NLRC3: variants seen among roughly 807,000 people sequenced by gnomAD.
NLRC3 encodes the protein NLR family CARD domain containing 3.
In NLRC3, 87 loss-of-function variants were observed where a neutral mutation model predicts 91.6. The ratio of observed to expected loss-of-function variants is 0.95; its 90% CI spans 0.80 to 1.14. The LOEUF (loss-of-function observed/expected upper bound fraction) is 1.14. Among genes scored for constraint, NLRC3 ranks in the 50% most tolerant of loss-of-function variants. The probability of loss-of-function intolerance (pLI) is 0.00; values close to 1 mark genes in which losing one functional copy is unlikely to be tolerated. For missense variants in NLRC3, 1,577 were observed against 1,418.6 expected, an observed-to-expected ratio of 1.11 and a Z score of -1.79; for synonymous variants, 694 against 625.3, an observed-to-expected ratio of 1.11 and a Z score of -1.64.
In NLRC3 at chr16:3,563,979, T is replaced by C; in HGVS notation, c.958A>G (p.Arg320Gly). Residue 320 changes from arginine to glycine, a missense_variant, in exon 5 of 20, where the codon AGG becomes GGG. By Grantham distance (125) the Arg-to-Gly change is moderately radical. Coordinates refer to ENST00000359128, the MANE Select transcript of NLRC3 (RefSeq NM_178844.4). ...GWMLSQVQAD[R>G]ALYLMCTVPA... The stretch of plus-strand genomic sequence containing the variant: ...ACGGTGCACATCAGGTACAGGGCCC[T>C]GTCAGCCTGCACTTGGCTCAGCATC... 6.2e-7 allele frequency: 1 copy of C among 1,605,182 alleles called. No homozygotes were observed. Among genetic ancestry groups the C allele is most frequent in the Non-Finnish European group, 8.5e-7 (1 of 1,178,510 alleles).
intron 1 of NLRC3, among the ~76,000 whole-genome samples, chr16:3,569,395 T>TATATATATATA (rs1491362144): frequency 2.1e-5 from 1 of 47,732 alleles, no homozygotes; most frequent in African/African-American, 7.4e-5. Flanking sequence ...TATATATATA[T>TATATATATATA]TATTTTTTTT....
intron 1 of NLRC3, among the ~76,000 whole-genome samples, chr16:3,574,177 C>T (rs907517048): frequency 8.6e-5 from 13 of 151,858 alleles, no homozygotes; most frequent in African/African-American, 3.1e-4. Flanking sequence ...CACCCACCAT[C>T]AATACCATTT....
chr16:3,553,710 A>C (rs1409199928), intron 9 of NLRC3, among the ~76,000 whole-genome samples: 2 of 149,032 alleles, frequency 1.3e-5, no homozygotes, highest in African/African-American at 4.9e-5. Flanking sequence ...TTTATATTTT[A>C]TTATTTTATT....
intron 14 of NLRC3, among the ~76,000 whole-genome samples, 175 bp from the exon 15 acceptor site, chr16:3,548,393 C>T (rs113359727): frequency 2.0e-5 from 3 of 152,352 alleles, no homozygotes; most frequent in South Asian, 2.1e-4. Context: ...CCTGGTTAGC[C>T]GTGGCCAGAG....
chr16:3,547,032 G>A (rs1056257052), intron 15 of NLRC3, among the ~76,000 whole-genome samples: 6 of 152,086 alleles, frequency 3.9e-5, no homozygotes, highest in South Asian at 4.1e-4. Flanking sequence ...ACGCCCCAGC[G>A]ACTCCACTCC....
intron 17 of NLRC3, chr16:3,543,054 C>T: frequency 2.0e-6 from 1 of 509,500 alleles, no homozygotes; most frequent in Non-Finnish European, 3.5e-6. Context: ...GAGAGGCAGC[C>T]CTCCATCTGG....
At chr16:3,550,892 G>A (rs1181222846) in intron 10 of NLRC3, among the ~76,000 whole-genome samples, 1 of 152,074 alleles carries the variant, frequency 6.6e-6, no homozygotes, top group East Asian at 1.9e-4. Flanking sequence ...AGTGCTTTTG[G>A]AGTCCAAAGT....
intron 15 of NLRC3, among the ~76,000 whole-genome samples, chr16:3,547,752 T>C (rs775462320): frequency 7.2e-5 from 11 of 152,202 alleles, no homozygotes; most frequent in East Asian, 5.8e-4. Flanking sequence ...CACTGCAACC[T>C]GTGCCTCCTG....
rs547727487 is a variant in NLRC3 at position 3,553,234 on chromosome 16, A to G, written c.2268-955T>C. On this transcript the variant is annotated intron_variant, in intron 9 of 19. Transcript: ENST00000359128. ...CAAATGCTGCCTCTGTCCCTTTAAG[A>G]TGTATGTAAATCTTTTTAAAAGCAA... 2.0e-3 allele frequency among the ~76,000 whole-genome samples: 306 copies of G among 152,274 alleles called. 4 individuals carry two copies. The highest frequency in any genetic ancestry group is 6.6e-3 in the African/African-American group (275 of 41,564).
intron 1 of NLRC3, among the ~76,000 whole-genome samples, chr16:3,573,500 T>C (rs2040174265): frequency 6.6e-6 from 1 of 152,220 alleles, no homozygotes; most frequent in Non-Finnish European, 1.5e-5. Context: ...AGTGCTACTG[T>C]CTGCCTGATA....
At chr16:3,569,229 G>A (rs1338225242) in intron 1 of NLRC3, among the ~76,000 whole-genome samples, 3 of 150,126 alleles carry the variant, frequency 2.0e-5, no homozygotes, top group Non-Finnish European at 4.4e-5. Flanking sequence ...TTGGAGAATC[G>A]CTTGAACCCG....
chr16:3,549,449 G>A (rs2038881473), intron 12 of NLRC3, among the ~76,000 whole-genome samples: 1 of 152,190 alleles, frequency 6.6e-6, no homozygotes, highest in Non-Finnish European at 1.5e-5. Flanking sequence ...GGAGAGGACA[G>A]GATGACAGGG....
chr16:3,564,750 T>C lies in NLRC3; in HGVS notation c.187A>G (p.Ile63Val). Residue 63 changes from isoleucine to valine, a missense_variant, in exon 5 of 20, where the codon ATA (isoleucine) becomes GTA (valine). Ile to Val is a conservative substitution (Grantham distance 29, BLOSUM62 3). Transcript: ENST00000359128. This position sits in a 1 kb window ranked among gnomAD's most constrained non-coding sequence, Gnocchi z 5.9. ...PLGPCSNDSR[I>V]QRHRKALLSK... is the part of the protein sequence containing the mutation. ...AGCAGGGCCTTGCGGTGCCTCTGTA[T>C]CCTTGAGTCTGCGGGACAGAGGCCA... 6.3e-7 allele frequency: 1 copy of C among 1,579,622 alleles called. No homozygotes were observed. Among genetic ancestry groups the C allele is most frequent in the Non-Finnish European group, 8.6e-7 (1 of 1,168,006 alleles).
intron 1 of NLRC3, among the ~76,000 whole-genome samples, chr16:3,568,281 A>G (rs2039962480): frequency 6.6e-6 from 1 of 152,234 alleles, no homozygotes; most frequent in South Asian, 2.1e-4. Context: ...AGAAGTAAGG[A>G]GTGCGATCAA....
At chr16:3,565,586 G>C (rs953426522) in intron 2 of NLRC3, among the ~76,000 whole-genome samples, 9 of 150,340 alleles carry the variant, frequency 6.0e-5, no homozygotes, top group African/African-American at 2.2e-4. Flanking sequence ...GGAAGACAGT[G>C]AAAGAAAGGG....
chr16:3,573,037 A>G (rs2040155672), intron 1 of NLRC3, among the ~76,000 whole-genome samples: 1 of 151,746 alleles, frequency 6.6e-6, no homozygotes, highest in Admixed American at 6.6e-5. Context: ...AAAAAATCAA[A>G]TATCTAGGAA....
At chr16:3,553,260 A>C (rs1489285578) in intron 9 of NLRC3, among the ~76,000 whole-genome samples, 1 of 152,156 alleles carries the variant, frequency 6.6e-6, no homozygotes, top group Non-Finnish European at 1.5e-5. Context: ...TTAAAAGCAA[A>C]ATCAGCCTCT....
intron 10 of NLRC3, among the ~76,000 whole-genome samples, chr16:3,551,827 C>G (rs964587093): frequency 6.6e-5 from 10 of 151,608 alleles, no homozygotes; most frequent in African/African-American, 2.4e-4. Context: ...ATCCATCCAT[C>G]CATCCATCCA....
rs771920155 is a variant in NLRC3 at position 3,564,435 on chromosome 16, C to T, written c.502G>A (p.Gly168Ser). The change falls in exon 5 of 20, where the codon GGC becomes AGC. Residue 168 changes from glycine (G) to serine (S), a missense_variant. Transcript: ENST00000359128. The surrounding 1 kb of genome is among the most constrained non-coding windows in gnomAD (Gnocchi z 5.9). ...FVRLWAHGQV[G>S]KDFSLVLPLT... The stretch of plus-strand genomic sequence containing the variant: ...GGCAGCACCAGCGAGAAGTCCTTGC[C>T]GACCTGCCCATGGGCCCAGAGGCGG... 28 of 1,612,764 alleles carry T rather than the reference C, an allele frequency of 1.7e-5. No homozygotes were observed. In the East Asian group the frequency reaches 2.0e-4, roughly 12 times the overall value.
Sources: allele counts gnomAD v4.1 joint callset (sites outside exome capture counted in the v4.1 genomes callset), GRCh38; gene constraint gnomAD v4.1.1; non-coding constraint Gnocchi (gnomAD v3.1); transcripts MANE v1.5; gene names NCBI Gene and HGNC (gene_info 2026-07-23, HGNC 2026-07-21).